Variants in KIF6 observed in about 807,000 individuals in gnomAD.
The protein encoded by KIF6 is kinesin-like protein KIF6.
In KIF6, 106 loss-of-function variants were observed where a neutral mutation model predicts 112.7. The observed-to-expected ratio is 0.94, with a 90% CI of 0.80 to 1.11. KIF6 has a LOEUF of 1.11. Among genes scored for constraint, KIF6 ranks in the 50% least tolerant of loss-of-function variants. The pLI, the probability that KIF6 is intolerant of heterozygous loss-of-function variation, is 0.00. For synonymous variants in KIF6, 339 were observed against 339.9 expected, an observed-to-expected ratio of 1.00 and a Z score of 0.03; for missense variants, 929 against 964.0, an observed-to-expected ratio of 0.96 and a Z score of 0.48.
At chr6:39,646,315 A>C (rs925150270) in intron 3 of KIF6, among the ~76,000 whole-genome samples, 1 of 150,998 alleles carries the variant, frequency 6.6e-6, no homozygotes, top group African/African-American at 2.4e-5. Context: ...AGCATAGTTG[A>C]AAAAAAAAGA....
At chr6:39,488,514 C>G (rs564590738) in intron 13 of KIF6, among the ~76,000 whole-genome samples, 2 of 152,274 alleles carry the variant, frequency 1.3e-5, no homozygotes, top group South Asian at 4.2e-4. Context: ...CTCTAGGAGC[C>G]TGGGTTAGGT....
At chr6:39,409,923 G>A (rs943246411) in intron 15 of KIF6, among the ~76,000 whole-genome samples, 2 of 152,214 alleles carry the variant, frequency 1.3e-5, no homozygotes, top group Admixed American at 6.5e-5. Context: ...AGCTATAAAT[G>A]TTCATCCTTC....
intron 22 of KIF6, among the ~76,000 whole-genome samples, 196 bp from the exon 23 acceptor site, chr6:39,336,744 C>T (rs1583811334): frequency 6.6e-6 from 1 of 152,184 alleles, no homozygotes; most frequent in Non-Finnish European, 1.5e-5. Flanking sequence ...TTTGCAGAAG[C>T]TCCATCTCCC....
In KIF6 at chr6:39,336,387, A is replaced by C; in HGVS notation, c.*145T>G. 5 of 769,992 alleles carry C rather than the reference A, an allele frequency of 6.5e-6. No individual in the cohort carries two copies. The highest frequency in any genetic ancestry group is 1.1e-5 in the Non-Finnish European group (5 of 452,124). 47.7% of individuals were successfully genotyped at this position (769,992 alleles called of 1,614,324 possible). On this transcript the variant is annotated 3_prime_UTR_variant, in exon 23 of 23. Coordinates refer to ENST00000287152, the MANE Select transcript of KIF6 (RefSeq NM_145027.6). Reference sequence around the variant, plus strand: ...TCCAGGTCAGCATCCTTAAAGAAACACAGTCCCCTCCATGGGAATCAAAGT... The same window carrying C: ...TCCAGGTCAGCATCCTTAAAGAAACCCAGTCCCCTCCATGGGAATCAAAGT...
At chr6:39,492,129 C>A (rs1481566647) in intron 13 of KIF6, among the ~76,000 whole-genome samples, 2 of 152,210 alleles carry the variant, frequency 1.3e-5, no homozygotes, top group Non-Finnish European at 2.9e-5. Context: ...TAGTACCTCT[C>A]TGACCCTTTA....
chr6:39,505,912 A>G (rs1776400938), intron 13 of KIF6, among the ~76,000 whole-genome samples: 1 of 152,232 alleles, frequency 6.6e-6, no homozygotes, highest in Non-Finnish European at 1.5e-5. Context: ...GTGGGAGTGT[A>G]AATTAGTTCA....
chr6:39,716,962 C>T (rs1789886970), intron 2 of KIF6, among the ~76,000 whole-genome samples: 1 of 152,116 alleles, frequency 6.6e-6, no homozygotes, highest in African/African-American at 2.4e-5. Flanking sequence ...CAGGTGAGAC[C>T]TTCACAATAT....
intron 3 of KIF6, among the ~76,000 whole-genome samples, chr6:39,647,760 G>A (rs1233128402): frequency 6.7e-6 from 1 of 149,686 alleles, no homozygotes; most frequent in Non-Finnish European, 1.5e-5. Context: ...AGGCTGGAGT[G>A]CAATGGTGCG....
intron 3 of KIF6, among the ~76,000 whole-genome samples, chr6:39,679,438 G>A (rs956253731): frequency 2.0e-5 from 3 of 152,020 alleles, no homozygotes; most frequent in East Asian, 1.9e-4. Flanking sequence ...AGTTAACAGA[G>A]GAGTCATCTG....
At chr6:39,502,622 C>T (rs1159283783) in intron 13 of KIF6, among the ~76,000 whole-genome samples, 4 of 152,082 alleles carry the variant, frequency 2.6e-5, no homozygotes. Context: ...AAGACACATG[C>T]AGGCTCAAAA....
In KIF6 at chr6:39,378,376, A is replaced by G. The variant is rs1766631711; in HGVS notation, c.1861+7246T>C. Among the ~76,000 whole-genome samples, 1 of 152,024 alleles carries G rather than the reference A, an allele frequency of 6.6e-6. No individual in the cohort carries two copies. The highest frequency in any genetic ancestry group is 2.1e-4 in the South Asian group (1 of 4,816). ...CACATACCACGTGCCACATATACAT[A>G]CAATACATACAACATACCCACACTG... is the stretch of plus-strand genomic sequence containing the variant. On this transcript the variant is annotated intron_variant, in intron 16 of 22. Coordinates refer to ENST00000287152, the MANE Select transcript of KIF6 (RefSeq NM_145027.6). The surrounding 1 kb of genome is among the most constrained non-coding windows in gnomAD (Gnocchi z 5.0).
chr6:39,619,747 C>T (rs781061372), intron 5 of KIF6, among the ~76,000 whole-genome samples: 15 of 152,152 alleles, frequency 9.9e-5, no homozygotes, highest in Non-Finnish European at 1.9e-4. Flanking sequence ...GGAGAACCAA[C>T]GCTTTCTCAG....
intron 3 of KIF6, among the ~76,000 whole-genome samples, chr6:39,666,736 G>A (rs935713251): frequency 6.6e-6 from 1 of 152,262 alleles, no homozygotes; most frequent in African/African-American, 2.4e-5. Context: ...GGCAGAAGTC[G>A]TACATGATTG....
intron 13 of KIF6, among the ~76,000 whole-genome samples, chr6:39,524,096 G>A (rs761894946): frequency 5.9e-5 from 9 of 151,682 alleles, no homozygotes; most frequent in Non-Finnish European, 1.0e-4. Context: ...AAAGAATAAT[G>A]TTTTATTTCC....
At chr6:39,518,272 T>C (rs12528130) in intron 13 of KIF6, among the ~76,000 whole-genome samples, 42,835 of 152,088 alleles carry the variant, frequency 0.28, 8,236 homozygotes, top group African/African-American at 0.54. Flanking sequence ...TGTATGTGTG[T>C]GCTGTGTGGA....
chr6:39,472,309 T>C (rs1362080193), intron 13 of KIF6, among the ~76,000 whole-genome samples: 2 of 152,174 alleles, frequency 1.3e-5, no homozygotes. Context: ...CCTTAAATGC[T>C]AGCTCTTTTT....
chr6:39,496,947 G>A (rs145564368), intron 13 of KIF6, among the ~76,000 whole-genome samples: 1 of 152,326 alleles, frequency 6.6e-6, no homozygotes, highest in African/African-American at 2.4e-5. Context: ...CACCATGCTA[G>A]ATTAATTGCT....
At chr6:39,521,735 A>G (rs995887124) in intron 13 of KIF6, among the ~76,000 whole-genome samples, 1 of 152,106 alleles carries the variant, frequency 6.6e-6, no homozygotes, top group African/African-American at 2.4e-5. Context: ...CTCCACCCCC[A>G]TTCTACCACA....
rs973485752 is a variant in KIF6, at chr6:39,430,956, T to G, written c.1754+97A>C. ...AACATTATGCTTTTCTTGTAATAGT[T>G]ATGTTGGGCAGATTAGGAAGGACAG... On this transcript the variant is annotated intron_variant, in intron 14 of 22. Coordinates refer to ENST00000287152, the MANE Select transcript of KIF6 (RefSeq NM_145027.6). The G allele has an allele frequency of 2.5e-5, 16 of 628,984 alleles. No individual in the cohort carries two copies. The Admixed American group carries it at 4.6e-4, about 18-fold the overall frequency. The allele number at this position is 628,984 out of a possible 1,614,324, so 39.0% of individuals were successfully genotyped here. A position where few individuals can be genotyped will look rare whatever the true frequency, so the allele number is the denominator to read the frequency against.
Sources: gnomAD v4.1 joint callset for allele counts (sites outside exome capture counted in the v4.1 genomes callset) on GRCh38, gnomAD v4.1.1 for gene constraint, Gnocchi (gnomAD v3.1) non-coding constraint, MANE v1.5 for transcripts, NCBI Gene and HGNC (gene_info 2026-07-23, HGNC 2026-07-21) for gene names.